SLCO3A1: variants seen among roughly 807,000 people sequenced by gnomAD.
The protein encoded by SLCO3A1 is solute carrier organic anion transporter family member 3A1, also known as PGE1 transporter.
Under a neutral mutation model 63.1 loss-of-function variants are expected in SLCO3A1, and 27 were observed. That is an observed-to-expected ratio of 0.43 (90% CI 0.32 to 0.59). SLCO3A1 has a LOEUF of 0.59. Ranked by LOEUF, SLCO3A1 falls within the 20% of genes least tolerant of loss-of-function variation. SLCO3A1 has a pLI of 0.09. For synonymous variants in SLCO3A1, 473 were observed against 409.9 expected, an observed-to-expected ratio of 1.15 and a Z score of -1.86; for missense variants, 773 against 945.8, an observed-to-expected ratio of 0.82 and a Z score of 2.40.
At chr15:92,028,461 G>A (rs12906208) in intron 2 of SLCO3A1, among the ~76,000 whole-genome samples, 31,291 of 151,992 alleles carry the variant, frequency 0.21, 3,462 homozygotes, top group African/African-American at 0.25. Flanking sequence ...TTTATTGAAC[G>A]CCGACAGCAC....
chr15:92,055,844 G>C (rs992837), intron 2 of SLCO3A1, among the ~76,000 whole-genome samples: 89,549 of 152,118 alleles, frequency 0.59, 27,716 homozygotes, highest in Admixed American at 0.72. Flanking sequence ...TCAATCTAAT[G>C]ACCTTATGAA....
chr15:92,046,069 T>C (rs2046858520), intron 2 of SLCO3A1, among the ~76,000 whole-genome samples: 3 of 152,212 alleles, frequency 2.0e-5, no homozygotes, highest in Admixed American at 2.0e-4. Flanking sequence ...CCTAGGTGTC[T>C]GATGTATACA....
intron 2 of SLCO3A1, among the ~76,000 whole-genome samples, chr15:91,993,877 C>G (rs1185691393): frequency 6.6e-6 from 1 of 152,166 alleles, no homozygotes; most frequent in African/African-American, 2.4e-5. Context: ...TGTGAGGACA[C>G]CTAAGCAGGC....
intron 7 of SLCO3A1, among the ~76,000 whole-genome samples, chr15:92,142,573 C>T (rs1815898885): frequency 6.6e-6 from 1 of 152,182 alleles, no homozygotes; most frequent in African/African-American, 2.4e-5. Flanking sequence ...TATTTTTCAA[C>T]ATATGGATTC....
intron 9 of SLCO3A1, chr15:92,161,683 A>G (rs1204223017): frequency 6.6e-6 from 1 of 152,308 alleles, no homozygotes; most frequent in Non-Finnish European, 1.5e-5. Context: ...TGCACTCAAG[A>G]GCACAACAGC....
At chr15:91,876,489 C>A (rs1276640164) in intron 1 of SLCO3A1, among the ~76,000 whole-genome samples, 1 of 152,208 alleles carries the variant, frequency 6.6e-6, no homozygotes, top group Non-Finnish European at 1.5e-5. Flanking sequence ...GCCTTAGCAC[C>A]ATGAGCAGGG....
downstream of SLCO3A1, among the ~76,000 whole-genome samples, chr15:92,169,141 T>G (rs1415217719): frequency 6.6e-6 from 1 of 152,224 alleles, no homozygotes; most frequent in African/African-American, 2.4e-5. Flanking sequence ...TATTAGCTCA[T>G]GTAATCTCAA....
At position 91,863,467 on chromosome 15, in the gene SLCO3A1, C is replaced by T. The variant is rs779534316; in HGVS notation, c.180+9379C>T. Reference sequence around the variant, plus strand: ...GTTGTGACAGACACCATCCTTTGGCCGTTTCATTTCTCAGAGTGCTGCTGT... The same window carrying T: ...GTTGTGACAGACACCATCCTTTGGCTGTTTCATTTCTCAGAGTGCTGCTGT... On this transcript the variant is annotated intron_variant, in intron 1 of 9. Transcript: ENST00000318445. The surrounding 1 kb of genome is among the most constrained non-coding windows in gnomAD (Gnocchi z 4.3). Among the ~76,000 whole-genome samples, 3 of 152,208 alleles carry T rather than the reference C, an allele frequency of 2.0e-5. No individual in the cohort carries two copies. Among genetic ancestry groups the T allele is most frequent in the Non-Finnish European group, 2.9e-5 (2 of 68,046 alleles).
At position 91,875,481 on chromosome 15, in the gene SLCO3A1, A is replaced by G. The variant is rs533623521; in HGVS notation, c.180+21393A>G. ...CAGCTCTGCCCGTCACATGTGACGT[A>G]AACCTAGGTTGGTTCCTCCCCCGTC... On this transcript the variant is annotated intron_variant, in intron 1 of 9. Transcript: ENST00000318445. The surrounding 1 kb of genome is among the most constrained non-coding windows in gnomAD (Gnocchi z 4.5). 9.8e-5 allele frequency among the ~76,000 whole-genome samples: 15 copies of G among 152,346 alleles called. No individual in the cohort carries two copies. In the South Asian group the frequency reaches 2.5e-3, roughly 25 times the overall value.
chr15:92,037,906 A>G (rs1176253654), intron 2 of SLCO3A1, among the ~76,000 whole-genome samples: 1 of 152,180 alleles, frequency 6.6e-6, no homozygotes, highest in Non-Finnish European at 1.5e-5. Context: ...GTGGTTTATG[A>G]CAAGGTGATC....
chr15:91,927,570 G>A (rs543496845), intron 2 of SLCO3A1, among the ~76,000 whole-genome samples: 1 of 152,224 alleles, frequency 6.6e-6, no homozygotes, highest in East Asian at 1.9e-4. Context: ...TCCTATTTCG[G>A]GTGTCGGGGG....
At chr15:92,011,274 C>T (rs1351920086) in intron 2 of SLCO3A1, among the ~76,000 whole-genome samples, 2 of 152,196 alleles carry the variant, frequency 1.3e-5, no homozygotes, top group South Asian at 2.1e-4. Context: ...CAAATGCCAT[C>T]TTACCTTATG....
chr15:91,918,019 C>A (rs976399619), intron 2 of SLCO3A1, among the ~76,000 whole-genome samples: 1 of 152,230 alleles, frequency 6.6e-6, no homozygotes, highest in Non-Finnish European at 1.5e-5. Flanking sequence ...TCCCCAGAGT[C>A]ACCCCTGAAG....
intron 4 of SLCO3A1, among the ~76,000 whole-genome samples, chr15:92,119,584 G>A (rs1175955108): frequency 6.6e-6 from 1 of 152,202 alleles, no homozygotes; most frequent in Non-Finnish European, 1.5e-5. Flanking sequence ...AGACCCCCAA[G>A]GACAAAGACC....
intron 2 of SLCO3A1, among the ~76,000 whole-genome samples, chr15:91,979,938 A>G (rs1567049016): frequency 6.6e-6 from 1 of 152,228 alleles, no homozygotes; most frequent in Non-Finnish European, 1.5e-5. Context: ...CTAGTCAGCC[A>G]AAACTTTTGC....
chr15:91,902,139 AC>A (rs1295970265), intron 1 of SLCO3A1, among the ~76,000 whole-genome samples: 1 of 150,994 alleles, frequency 6.6e-6, no homozygotes, highest in Non-Finnish European at 1.5e-5. Context: ...CATTTATTAT[AC>A]TTTTCAACTC....
At chr15:91,951,093 A>G (rs1242729857) in intron 2 of SLCO3A1, among the ~76,000 whole-genome samples, 5 of 152,158 alleles carry the variant, frequency 3.3e-5, no homozygotes, top group African/African-American at 9.7e-5. Context: ...ACATACCACA[A>G]AATTCACCCT....
intron 7 of SLCO3A1, among the ~76,000 whole-genome samples, chr15:92,142,668 G>C (rs904647844): frequency 2.0e-5 from 3 of 152,174 alleles, no homozygotes; most frequent in Non-Finnish European, 4.4e-5. Flanking sequence ...TAACCCTGCT[G>C]TCTGCTCGCC....
At chr15:92,007,112 A>G (rs2046321784) in intron 2 of SLCO3A1, among the ~76,000 whole-genome samples, 1 of 152,244 alleles carries the variant, frequency 6.6e-6, no homozygotes, top group African/African-American at 2.4e-5. Flanking sequence ...GAGGACTACA[A>G]TATGTCTGTG....
Sources: allele counts gnomAD v4.1 joint callset (sites outside exome capture counted in the v4.1 genomes callset), GRCh38; gene constraint gnomAD v4.1.1; non-coding constraint Gnocchi (gnomAD v3.1); transcripts MANE v1.5; gene names NCBI Gene and HGNC (gene_info 2026-07-23, HGNC 2026-07-21).